The following PPP4R3A variants were observed in gnomAD, a reference collection of about 807,000 sequenced individuals.
PPP4R3A encodes the protein serine/threonine-protein phosphatase 4 regulatory subunit 3A.
A neutral mutation model predicts 91.7 loss-of-function variants in PPP4R3A; 15 were observed. The ratio of observed to expected loss-of-function variants is 0.16; its 90% CI spans 0.11 to 0.25. The LOEUF is 0.25. PPP4R3A is among the 10% of genes least tolerant of loss of function. The pLI, the probability that PPP4R3A is intolerant of heterozygous loss-of-function variation, is 1.00. For synonymous variants in PPP4R3A, 377 were observed against 348.7 expected, an observed-to-expected ratio of 1.08 and a Z score of -0.91; for missense variants, 623 against 998.4, an observed-to-expected ratio of 0.62 and a Z score of 5.07.
rs747280932 is a variant in PPP4R3A at position 91,475,792 on chromosome 14, T to C, written c.1266+19A>G. On this transcript the variant is annotated intron_variant, in intron 7 of 14. Transcript: ENST00000554943. ...CTTCCTATGTATAAATACTTACTAT[T>C]AGTACAAATAATATTTACCTTGCTG... 4.4e-6 allele frequency: 7 copies of C among 1,595,282 alleles called. No homozygotes were observed. The highest frequency in any genetic ancestry group is 6.0e-6 in the Non-Finnish European group (7 of 1,165,388).
At chr14:91,477,409 T>G (rs1889277873) in intron 4 of PPP4R3A, among the ~76,000 whole-genome samples, 1 of 152,200 alleles carries the variant, frequency 6.6e-6, no homozygotes, top group South Asian at 2.1e-4. Flanking sequence ...TTTTAAAAGG[T>G]AGTTCTACAA....
intron 1 of PPP4R3A, 59 bp from the exon 2 acceptor site, chr14:91,490,861 C>A: frequency 2.0e-6 from 2 of 983,134 alleles, no homozygotes; most frequent in South Asian, 3.5e-5. Context: ...ATTATATTCC[C>A]TTACATACAC....
intron 1 of PPP4R3A, among the ~76,000 whole-genome samples, chr14:91,498,643 A>G (rs574500562): frequency 1.3e-5 from 2 of 151,592 alleles, no homozygotes; most frequent in African/African-American, 4.8e-5. Context: ...GGCTGGGCGC[A>G]GTGGCTCACG....
Position 91,482,240 on chromosome 14 carries a change from A to C in PPP4R3A, c.298-47T>G, listed in dbSNP as rs200092001. 4.6e-4 allele frequency: 707 copies of C among 1,528,046 alleles called. 5 individuals carry two copies. The African/African-American group carries it at 9.4e-3, about 20-fold the overall frequency. 94.7% of individuals were successfully genotyped at this position (1,528,046 alleles called of 1,614,324 possible). On this transcript the variant is annotated intron_variant, in intron 3 of 14. Coordinates refer to ENST00000554943, the MANE Select transcript of PPP4R3A (RefSeq NM_001366432.2). ...CTGACAAAATAGATAACAGGTGACCAGCAAACCTAAATGCTACTCTAAGAT... is the reference window on the plus strand; with the variant it reads ...CTGACAAAATAGATAACAGGTGACCCGCAAACCTAAATGCTACTCTAAGAT...
intron 4 of PPP4R3A, 94 bp downstream of exon 4, chr14:91,481,482 T>C: frequency 7.8e-7 from 1 of 1,288,590 alleles, no homozygotes; most frequent in Non-Finnish European, 1.0e-6. Context: ...ACTTTATACA[T>C]TAACAAAATT....
chr14:91,484,911 T>C (rs1234990759), intron 3 of PPP4R3A, among the ~76,000 whole-genome samples: 4 of 152,128 alleles, frequency 2.6e-5, no homozygotes, highest in African/African-American at 7.2e-5. Context: ...TCACAAAAGA[T>C]TGTGATTATG....
At chr14:91,466,170 C>T in intron 10 of PPP4R3A, 1 of 936,774 alleles carries the variant, frequency 1.1e-6, no homozygotes, top group Non-Finnish European at 1.3e-6. Context: ...ACTCAGACAG[C>T]TAGACTTCAA....
chr14:91,498,421 G>C (rs966156295), intron 1 of PPP4R3A, among the ~76,000 whole-genome samples: 1 of 151,996 alleles, frequency 6.6e-6, no homozygotes, highest in Non-Finnish European at 1.5e-5. Context: ...AACATGCTAA[G>C]TTAGAACATT....
At chr14:91,462,265 TA>T (rs755990352) in intron 12 of PPP4R3A, 26 bp from the exon 13 acceptor site, 10 of 1,535,248 alleles carry the variant, frequency 6.5e-6, no homozygotes, top group Non-Finnish European at 7.8e-6. Context: ...AAAGAGTAAA[TA>T]CAATCATATA....
intron 10 of PPP4R3A, 26 bp from the exon 11 acceptor site, chr14:91,465,445 A>C: frequency 6.5e-7 from 1 of 1,548,410 alleles, no homozygotes; most frequent in Non-Finnish European, 8.7e-7. Context: ...ATGGTTGTTT[A>C]AATCACATAC....
chr14:91,492,147 G>A (rs1261170429), intron 1 of PPP4R3A, among the ~76,000 whole-genome samples: 1 of 152,178 alleles, frequency 6.6e-6, no homozygotes, highest in Non-Finnish European at 1.5e-5. Flanking sequence ...GATGATCTGG[G>A]TTAAAATCTC....
chr14:91,497,188 G>C (rs1045150842), intron 1 of PPP4R3A, among the ~76,000 whole-genome samples: 1 of 152,108 alleles, frequency 6.6e-6, no homozygotes, highest in Non-Finnish European at 1.5e-5. Flanking sequence ...CTAACTAAGA[G>C]CAACATGTTT....
intron 1 of PPP4R3A, among the ~76,000 whole-genome samples, chr14:91,493,859 G>T (rs1890381790): frequency 6.8e-6 from 1 of 147,864 alleles, no homozygotes; most frequent in African/African-American, 2.6e-5. Context: ...CACAACCTCT[G>T]CCTCCTGGGT....
At chr14:91,473,003 G>T in intron 9 of PPP4R3A, 30 bp downstream of exon 9, 1 of 1,596,724 alleles carries the variant, frequency 6.3e-7, no homozygotes, top group South Asian at 1.1e-5. Context: ...CAAGAACAGA[G>T]AACTTAACTA....
intron 1 of PPP4R3A, among the ~76,000 whole-genome samples, chr14:91,498,000 G>A (rs1890689651): frequency 6.6e-6 from 1 of 152,186 alleles, no homozygotes; most frequent in South Asian, 2.1e-4. Flanking sequence ...AAGCAGATGA[G>A]AATCTTTCTG....
At chr14:91,470,369 A>T (rs1888761864) in intron 10 of PPP4R3A, among the ~76,000 whole-genome samples, 1 of 152,228 alleles carries the variant, frequency 6.6e-6, no homozygotes, top group Non-Finnish European at 1.5e-5. Flanking sequence ...TTGCTCTAAA[A>T]GAGTCTACAA....
chr14:91,484,969 C>T (rs1653276349), intron 3 of PPP4R3A, among the ~76,000 whole-genome samples: 1 of 151,928 alleles, frequency 6.6e-6, no homozygotes, highest in Admixed American at 6.5e-5. Context: ...AGCCTAGAGG[C>T]ACGGTAAGGC....
chr14:91,460,435 G>GA (rs896115274), intron 14 of PPP4R3A, among the ~76,000 whole-genome samples: 32 of 146,032 alleles, frequency 2.2e-4, no homozygotes, highest in Admixed American at 8.2e-4. Flanking sequence ...GCTCACGCCA[G>GA]AAAAAAAAAA....
At chr14:91,483,035 T>C (rs1889668196) in intron 3 of PPP4R3A, among the ~76,000 whole-genome samples, 1 of 152,350 alleles carries the variant, frequency 6.6e-6, no homozygotes, top group Non-Finnish European at 1.5e-5. Flanking sequence ...AAATCTGTCA[T>C]AAAACCTAAT....
Sources: gnomAD v4.1 joint callset for allele counts (sites outside exome capture counted in the v4.1 genomes callset) on GRCh38, gnomAD v4.1.1 for gene constraint, MANE v1.5 for transcripts, NCBI Gene and HGNC (gene_info 2026-07-23, HGNC 2026-07-21) for gene names.